UBE2H: variants seen among roughly 807,000 people sequenced by gnomAD.
UBE2H encodes ubiquitin-conjugating enzyme E2 H.
In UBE2H, 3 loss-of-function variants were observed where a neutral mutation model predicts 29.0. The observed-to-expected ratio is 0.10, with a 90% CI of 0.05 to 0.27. The LOEUF (loss-of-function observed/expected upper bound fraction) is 0.27. UBE2H is among the 10% of genes least tolerant of loss of function. The pLI, the probability that UBE2H is intolerant of heterozygous loss-of-function variation, is 1.00. For synonymous variants in UBE2H, 69 were observed against 82.9 expected (o/e 0.83, Z 0.91); for missense variants, 68 against 228.2 (o/e 0.30, Z 4.52).
At chr7:129,894,302 A>C (rs1806558057) in intron 1 of UBE2H, among the ~76,000 whole-genome samples, 1 of 151,998 alleles carries the variant, frequency 6.6e-6, no homozygotes, top group Non-Finnish European at 1.5e-5. Flanking sequence ...AAAAATAAAA[A>C]AATTAGCTGG....
chr7:129,841,894 G>A (rs1805435862), intron 5 of UBE2H, among the ~76,000 whole-genome samples: 2 of 152,052 alleles, frequency 1.3e-5, no homozygotes, highest in Admixed American at 1.3e-4. Context: ...TTTCACCAAT[G>A]TTTTATCTAC....
At chr7:129,911,303 G>A (rs1806931503) in intron 1 of UBE2H, among the ~76,000 whole-genome samples, 1 of 151,748 alleles carries the variant, frequency 6.6e-6, no homozygotes, top group African/African-American at 2.4e-5. Context: ...GGGAGGTGGA[G>A]GTTCCAGTGA....
intron 3 of UBE2H, among the ~76,000 whole-genome samples, chr7:129,865,324 T>C (rs1332095731): frequency 5.3e-5 from 8 of 152,044 alleles, no homozygotes; most frequent in African/African-American, 1.9e-4. Flanking sequence ...CTATACAGAG[T>C]TGCACACACT....
At chr7:129,861,038 A>G (rs2116323075) in intron 3 of UBE2H, among the ~76,000 whole-genome samples, 1 of 152,228 alleles carries the variant, frequency 6.6e-6, no homozygotes. Flanking sequence ...CCTGGCCAAC[A>G]TGGTGAAACC....
intron 1 of UBE2H, among the ~76,000 whole-genome samples, chr7:129,910,328 CAAA>C (rs369819323): frequency 7.2e-6 from 1 of 138,612 alleles, no homozygotes. Flanking sequence ...GACTCTATCT[CAAA>C]AAAAAAACAA....
intron 1 of UBE2H, among the ~76,000 whole-genome samples, chr7:129,892,285 C>G (rs1319331142): frequency 6.6e-6 from 1 of 150,998 alleles, no homozygotes; most frequent in East Asian, 2.0e-4. Flanking sequence ...GAGTCTTGCT[C>G]CCATCGCACA....
chr7:129,907,474 A>G (rs964754004), intron 1 of UBE2H, among the ~76,000 whole-genome samples: 6 of 152,196 alleles, frequency 3.9e-5, no homozygotes, highest in Admixed American at 2.0e-4. Flanking sequence ...CCAGTTGATC[A>G]GTTTTATTGC....
intron 6 of UBE2H, among the ~76,000 whole-genome samples, chr7:129,838,368 C>T (rs1805368099): frequency 6.6e-6 from 1 of 152,194 alleles, no homozygotes; most frequent in Admixed American, 6.5e-5. Flanking sequence ...TGGTAAATTA[C>T]TTCTACTGCC....
At chr7:129,841,039 G>C (rs1805419749) in intron 5 of UBE2H, among the ~76,000 whole-genome samples, 1 of 152,164 alleles carries the variant, frequency 6.6e-6, no homozygotes, top group South Asian at 2.1e-4. Context: ...ACAATGCACA[G>C]GACAGCCCCA....
chr7:129,942,931 C>T (rs1437995445), intron 1 of UBE2H, among the ~76,000 whole-genome samples: 1 of 151,970 alleles, frequency 6.6e-6, no homozygotes, highest in Non-Finnish European at 1.5e-5. Flanking sequence ...CAACCTCCGA[C>T]TCCCAGGTTC....
At chr7:129,883,756 C>T (rs1348096613) in intron 1 of UBE2H, among the ~76,000 whole-genome samples, 4 of 152,088 alleles carry the variant, frequency 2.6e-5, no homozygotes, top group South Asian at 2.1e-4. Flanking sequence ...GCAGGAGAAT[C>T]GCTTGAATCC....
At chr7:129,837,600 A>G (rs1805353851) in intron 6 of UBE2H, among the ~76,000 whole-genome samples, 1 of 121,032 alleles carries the variant, frequency 8.3e-6, no homozygotes, top group Admixed American at 9.4e-5. Context: ...GAGGAGGAAG[A>G]CTGCATTGGG....
At chr7:129,907,930 C>A (rs937957970) in intron 1 of UBE2H, among the ~76,000 whole-genome samples, 2 of 152,140 alleles carry the variant, frequency 1.3e-5, no homozygotes, top group African/African-American at 4.8e-5. Flanking sequence ...TGATTATACA[C>A]ATTTTTTCCC....
At chr7:129,887,026 G>A (rs547862767) in intron 1 of UBE2H, among the ~76,000 whole-genome samples, 4 of 151,968 alleles carry the variant, frequency 2.6e-5, no homozygotes, top group African/African-American at 7.2e-5. Flanking sequence ...GAGTCCCAGC[G>A]GCACATGATT....
intron 5 of UBE2H, among the ~76,000 whole-genome samples, chr7:129,854,168 C>T (rs929227236): frequency 2.7e-5 from 4 of 150,216 alleles, no homozygotes; most frequent in African/African-American, 9.8e-5. Flanking sequence ...TCAGAACTCA[C>T]CAATTATGAA....
intron 1 of UBE2H, among the ~76,000 whole-genome samples, chr7:129,923,756 T>C (rs1209230573): frequency 4.6e-5 from 7 of 152,220 alleles, no homozygotes; most frequent in Admixed American, 3.9e-4. Flanking sequence ...CACAAGGGCC[T>C]GTCCCATCCA....
At chr7:129,851,756 T>C (rs1185882542) in intron 5 of UBE2H, among the ~76,000 whole-genome samples, 1 of 152,178 alleles carries the variant, frequency 6.6e-6, no homozygotes, top group Non-Finnish European at 1.5e-5. Flanking sequence ...TGTGGTATTT[T>C]TAATGAATGT....
intron 3 of UBE2H, among the ~76,000 whole-genome samples, chr7:129,867,186 CAGG>C (rs1805921351): frequency 6.6e-6 from 1 of 152,086 alleles, no homozygotes; most frequent in African/African-American, 2.4e-5. Context: ...GACACAGCCC[CAGG>C]AGGTCCTGAG....
At chr7:129,924,482 A>C (rs569527943) in intron 1 of UBE2H, among the ~76,000 whole-genome samples, 1 of 152,180 alleles carries the variant, frequency 6.6e-6, no homozygotes, top group Non-Finnish European at 1.5e-5. Flanking sequence ...GAATTTATCT[A>C]GTTTTACTGT....
Sources: gnomAD v4.1 joint callset for allele counts (sites outside exome capture counted in the v4.1 genomes callset) on GRCh38, gnomAD v4.1.1 for gene constraint, MANE v1.5 for transcripts, NCBI Gene and HGNC (gene_info 2026-07-23, HGNC 2026-07-21) for gene names.